The following RANBP2 variants were observed in gnomAD, a reference collection of about 807,000 sequenced individuals.
RANBP2 encodes the protein E3 SUMO-protein ligase RanBP2.
RANBP2 carries 57 observed loss-of-function variants against 303.6 expected under a neutral mutation model. That is an observed-to-expected ratio of 0.19 (90% confidence interval 0.15 to 0.23). The LOEUF is 0.23. Ranked by LOEUF, RANBP2 falls within the 10% of genes least tolerant of loss-of-function variation. The probability of loss-of-function intolerance (pLI) is 1.00; values close to 1 mark genes in which losing one functional copy is unlikely to be tolerated. For synonymous variants in RANBP2, 1,167 were observed against 1,301.5 expected, an observed-to-expected ratio of 0.90 and a Z score of 2.23; for missense variants, 3,138 against 3,780.8, an observed-to-expected ratio of 0.83 and a Z score of 4.46.
the RANBP2 span, among the ~76,000 whole-genome samples, chr2:109,631,887 T>C: frequency 6.6e-6 from 1 of 152,176 alleles, no homozygotes; most frequent in Non-Finnish European, 1.5e-5. Context: ...AGGGCTTTTT[T>C]ATGCTACTAA....
At chr2:108,926,101 G>C in the RANBP2 span, among the ~76,000 whole-genome samples, 3 of 152,150 alleles carry the variant, frequency 2.0e-5, no homozygotes, top group Non-Finnish European at 4.4e-5. Context: ...TCACCGCCTG[G>C]CTTACACCTG....
the RANBP2 span, among the ~76,000 whole-genome samples, chr2:109,369,718 T>C: frequency 6.6e-6 from 1 of 152,182 alleles, no homozygotes; most frequent in African/African-American, 2.4e-5. Flanking sequence ...TCCTTCTGTG[T>C]GATCCCACAT....
At chr2:109,293,174 C>G in the RANBP2 span, among the ~76,000 whole-genome samples, 1 of 152,230 alleles carries the variant, frequency 6.6e-6, no homozygotes, top group East Asian at 1.9e-4. Context: ...GTGCCCTGGG[C>G]CTCCGATGGT....
chr2:109,401,125 C>T, the RANBP2 span, among the ~76,000 whole-genome samples: 2 of 152,170 alleles, frequency 1.3e-5, no homozygotes, highest in Admixed American at 6.5e-5. Context: ...TCCTTGACAC[C>T]GGGCAGGTTG....
At chr2:109,021,548 A>G in the RANBP2 span, among the ~76,000 whole-genome samples, 1 of 145,462 alleles carries the variant, frequency 6.9e-6, no homozygotes, top group African/African-American at 2.5e-5. Flanking sequence ...AAAAGTGCTG[A>G]CAAAGAGGGA....
chr2:109,619,555 G>A, the RANBP2 span, among the ~76,000 whole-genome samples: 1 of 152,062 alleles, frequency 6.6e-6, no homozygotes, highest in Non-Finnish European at 1.5e-5. Flanking sequence ...TGGTGTAATC[G>A]CCCACTATTG....
At chr2:109,414,257 A>G in the RANBP2 span, among the ~76,000 whole-genome samples, 1 of 152,196 alleles carries the variant, frequency 6.6e-6, no homozygotes, top group Non-Finnish European at 1.5e-5. Context: ...CTGTGTACTT[A>G]GAGTGACTGC....
At chr2:109,638,471 T>C in the RANBP2 span, among the ~76,000 whole-genome samples, 1 of 152,152 alleles carries the variant, frequency 6.6e-6, no homozygotes, top group African/African-American at 2.4e-5. Context: ...GGTTGCTTTG[T>C]TTTTCCTGAA....
chr2:109,737,513 G>A, the RANBP2 span: 293 of 578,342 alleles, frequency 5.1e-4, no homozygotes, highest in African/African-American at 4.8e-3. Flanking sequence ...GCTTTCTCGC[G>A]GGCACCATGG....
chr2:109,418,599 A>G, the RANBP2 span, among the ~76,000 whole-genome samples: 1 of 152,036 alleles, frequency 6.6e-6, no homozygotes, highest in Non-Finnish European at 1.5e-5. Flanking sequence ...GATACTCATC[A>G]TTGGATTTGG....
the RANBP2 span, chr2:109,544,529 G>A: frequency 4.1e-6 from 4 of 984,428 alleles, no homozygotes; most frequent in Non-Finnish European, 4.8e-6. Flanking sequence ...TCCTGATTTT[G>A]CAAACAACAG....
the RANBP2 span, chr2:109,490,747 T>C: frequency 1.3e-6 from 2 of 1,536,286 alleles, no homozygotes; most frequent in Non-Finnish European, 1.7e-6. Context: ...GGCCCCGAAG[T>C]GTCCTCACTG....
chr2:109,010,536 G>A, the RANBP2 span, among the ~76,000 whole-genome samples: 1 of 152,144 alleles, frequency 6.6e-6, no homozygotes, highest in Non-Finnish European at 1.5e-5. Flanking sequence ...GGTGCTGGCC[G>A]ATTCAGTTCC....
At chr2:108,876,289 T>C in the RANBP2 span, 1 of 1,215,336 alleles carries the variant, frequency 8.2e-7, no homozygotes, top group Non-Finnish European at 1.1e-6. Context: ...ATGTGGTGCT[T>C]ATTTATAAAC....
chr2:109,703,410 C>T, the RANBP2 span, among the ~76,000 whole-genome samples: 1 of 152,090 alleles, frequency 6.6e-6, no homozygotes, highest in Admixed American at 6.6e-5. Context: ...ATTAAAAAAC[C>T]ACGTTTTTAT....
At chr2:108,976,273 T>A in the RANBP2 span, among the ~76,000 whole-genome samples, 1 of 152,220 alleles carries the variant, frequency 6.6e-6, no homozygotes, top group Non-Finnish European at 1.5e-5. Context: ...AGGTGTTTTG[T>A]AGAATCCTCC....
the RANBP2 span, among the ~76,000 whole-genome samples, chr2:109,652,723 A>C: frequency 1.3e-5 from 2 of 152,176 alleles, no homozygotes; most frequent in African/African-American, 4.8e-5. Context: ...TTCAGTCTCT[A>C]CCAGAGGCCA....
chr2:109,312,526 C>G, the RANBP2 span, among the ~76,000 whole-genome samples: 3 of 152,114 alleles, frequency 2.0e-5, no homozygotes, highest in Non-Finnish European at 4.4e-5. Context: ...CAGCAGCCAC[C>G]CCGCTGGGCC....
At chr2:109,159,054 G>T in the RANBP2 span, among the ~76,000 whole-genome samples, 2 of 152,148 alleles carry the variant, frequency 1.3e-5, no homozygotes, top group African/African-American at 4.8e-5. Flanking sequence ...GAGGCAGAGG[G>T]TGCAGTGAAC....
Sources: gnomAD v4.1 joint callset for allele counts (sites outside exome capture counted in the v4.1 genomes callset) on GRCh38, gnomAD v4.1.1 for gene constraint, MANE v1.5 for transcripts, NCBI Gene and HGNC (gene_info 2026-07-23, HGNC 2026-07-21) for gene names.